The following NT5DC1 variants were observed in gnomAD, a reference collection of about 807,000 sequenced individuals.
NT5DC1 encodes the protein 5'-nucleotidase domain-containing protein 1.
A neutral mutation model predicts 59.4 loss-of-function variants in NT5DC1; 42 were observed. The observed-to-expected ratio is 0.71, with a 90% confidence interval of 0.55 to 0.92. The LOEUF (loss-of-function observed/expected upper bound fraction) is 0.92, where lower values mean the gene tolerates loss of function less well. NT5DC1 is among the 40% of genes least tolerant of loss of function. The pLI is 0.00. For missense variants in NT5DC1, 501 were observed against 537.1 expected (o/e 0.93, Z 0.66); for synonymous variants, 172 against 188.1 (o/e 0.91, Z 0.70).
intron 8 of NT5DC1, among the ~76,000 whole-genome samples, chr6:116,231,120 A>G (rs1008563397): frequency 1.4e-5 from 2 of 142,412 alleles, no homozygotes; most frequent in African/African-American, 5.4e-5. Context: ...AAAAAAAAAA[A>G]AAAAAAGAAC....
At chr6:116,101,277 G>A (rs1417510239) in intron 1 of NT5DC1, among the ~76,000 whole-genome samples, 1 of 152,178 alleles carries the variant, frequency 6.6e-6, no homozygotes, top group East Asian at 1.9e-4. Flanking sequence ...ACGAAGGAGG[G>A]GCAAACTGCG....
At chr6:116,109,260 G>A (rs1778819036) in intron 3 of NT5DC1, among the ~76,000 whole-genome samples, 1 of 152,168 alleles carries the variant, frequency 6.6e-6, no homozygotes, top group Admixed American at 6.5e-5. Flanking sequence ...TTTGCATGAT[G>A]CAAACTCCCT....
intron 6 of NT5DC1, among the ~76,000 whole-genome samples, chr6:116,205,571 G>T (rs1211719326): frequency 6.6e-6 from 1 of 151,550 alleles, no homozygotes; most frequent in Non-Finnish European, 1.5e-5. Context: ...TCTTCCCAAA[G>T]GAAATTCCTT....
chr6:116,240,026 A>C (rs1416506141), intron 11 of NT5DC1, among the ~76,000 whole-genome samples: 1 of 152,246 alleles, frequency 6.6e-6, no homozygotes, highest in African/African-American at 2.4e-5. Flanking sequence ...AATTAGACAC[A>C]GATGAAAAGT....
chr6:116,199,819 C>G (rs190702660), intron 6 of NT5DC1, among the ~76,000 whole-genome samples: 15 of 152,074 alleles, frequency 9.9e-5, no homozygotes, highest in African/African-American at 3.1e-4. Flanking sequence ...ATCAATGAGT[C>G]TGGTATAAAT....
rs148509481 is a variant in NT5DC1, at chr6:116,182,222, A to AGAGTGTGTGTGT, written c.530-38831_530-38830insAGTGTGTGTGTG. Among the ~76,000 whole-genome samples the AGAGTGTGTGTGT allele has an allele frequency of 1.1e-3, 131 of 124,688 alleles. 1 individual carries two copies. In the South Asian group the frequency reaches 0.022, roughly 21 times the overall value. The allele number at this position is 124,688 out of a possible 152,430, so 81.8% of individuals were successfully genotyped here. Reference sequence around the variant, plus strand: ...TATGGCTGAGTAGTATTCCATGGAGAGTGTGTGTGTGTGTGTGTGTGTGTG... The same window carrying AGAGTGTGTGTGT: ...TATGGCTGAGTAGTATTCCATGGAGAGAGTGTGTGTGTGTGTGTGTGTGTGTGTGTGTGTGTG... On this transcript the variant is annotated intron_variant, in intron 6 of 11. Transcript: ENST00000319550.
At chr6:116,175,015 T>C (rs1780700193) in intron 6 of NT5DC1, among the ~76,000 whole-genome samples, 1 of 152,182 alleles carries the variant, frequency 6.6e-6, no homozygotes, top group East Asian at 1.9e-4. Context: ...TATAGAATAT[T>C]TCCATGAACA....
chr6:116,144,195 T>C (rs561664916), intron 6 of NT5DC1, among the ~76,000 whole-genome samples: 1 of 152,206 alleles, frequency 6.6e-6, no homozygotes, highest in South Asian at 2.1e-4. Flanking sequence ...AAACATATTC[T>C]TCTTACAACA....
chr6:116,110,855 GC>G lies in NT5DC1; in HGVS notation c.265del (p.His89MetfsTer5), dbSNP rs764701334. On this transcript the variant is annotated frameshift_variant, in exon 4 of 12. Transcript: ENST00000319550. LOFTEE classifies it high-confidence loss of function. ...LANNGTVLRA[S>X]HGTKMMTPEV... The stretch of plus-strand genomic sequence containing the variant: ...GCCTCCTCTCTCAAAATCAGGGCAA[GC>G]CATGGCACCAAGATGATGACTCCAG... 2 of 1,612,888 alleles carry G rather than the reference GC, an allele frequency of 1.2e-6. No individual in the cohort carries two copies. Among genetic ancestry groups the G allele is most frequent in the African/African-American group, 2.7e-5 (2 of 75,034 alleles).
In NT5DC1 at chr6:116,101,041, C is replaced by T. The variant is rs746823608; in HGVS notation, c.93+18C>T. On this transcript the variant is annotated intron_variant, in intron 1 of 11. Transcript: ENST00000319550. ...GCGCCCCGGTGAGTGGCGCGGGCTC[C>T]GGGGCGCACTGCGCGCAACCTCCAT... 25 of 1,555,448 alleles carry T rather than the reference C, an allele frequency of 1.6e-5. No individual in the cohort carries two copies. In the East Asian group the frequency reaches 5.6e-4, roughly 35 times the overall value.
At chr6:116,114,619 G>T (rs1217950468) in intron 4 of NT5DC1, among the ~76,000 whole-genome samples, 1 of 151,490 alleles carries the variant, frequency 6.6e-6, no homozygotes, top group African/African-American at 2.4e-5. Flanking sequence ...TTACCTATTG[G>T]TTCTGTTTGA....
chr6:116,209,906 G>A (rs1781540675), intron 6 of NT5DC1, among the ~76,000 whole-genome samples: 1 of 151,864 alleles, frequency 6.6e-6, no homozygotes, highest in Admixed American at 6.6e-5. Flanking sequence ...AACAGATAAT[G>A]GTCATCAAAT....
intron 6 of NT5DC1, among the ~76,000 whole-genome samples, chr6:116,180,052 C>G (rs951776873): frequency 3.9e-5 from 6 of 152,160 alleles, no homozygotes; most frequent in African/African-American, 1.4e-4. Context: ...GTGGTGTTCT[C>G]TATAACTGTG....
At chr6:116,101,070 G>C (rs555731599) in intron 1 of NT5DC1, 47 bp downstream of exon 1, 1 of 1,392,906 alleles carries the variant, frequency 7.2e-7, no homozygotes, top group Non-Finnish European at 1.0e-6. Flanking sequence ...CCTCCATGGC[G>C]GCTGGGGCTT....
chr6:116,165,098 G>GGAA lies in NT5DC1; in HGVS notation c.529+47153_529+47154insGAA, dbSNP rs560550941. On this transcript the variant is annotated intron_variant, in intron 6 of 11. Coordinates refer to ENST00000319550, the MANE Select transcript of NT5DC1 (RefSeq NM_152729.3). Reference sequence around the variant, plus strand: ...GGCGACAGAGCGAGACTCCGTCTCAGAAAAAAAAAAAAAAAAAAAATTATT... The same window carrying GGAA: ...GGCGACAGAGCGAGACTCCGTCTCAGGAAAAAAAAAAAAAAAAAAAAAATTATT... 3.0e-3 allele frequency among the ~76,000 whole-genome samples: 300 copies of GGAA among 101,044 alleles called. 2 individuals are homozygous for GGAA. Among genetic ancestry groups the GGAA allele is most frequent in the African/African-American group, 0.011 (276 of 24,386 alleles). 66.3% of individuals were successfully genotyped at this position (101,044 alleles called of 152,430 possible). A position where few individuals can be genotyped will look rare whatever the true frequency, so the allele number is the denominator to read the frequency against.
chr6:116,124,284 T>C (rs1358893986), intron 6 of NT5DC1, among the ~76,000 whole-genome samples: 1 of 152,102 alleles, frequency 6.6e-6, no homozygotes, highest in South Asian at 2.1e-4. Context: ...GTATAAAATA[T>C]ATAATTAAAA....
At chr6:116,232,542 T>G (rs1274871885) in intron 8 of NT5DC1, among the ~76,000 whole-genome samples, 24 of 151,684 alleles carry the variant, frequency 1.6e-4, no homozygotes, top group Admixed American at 1.6e-3. Context: ...ATCTCATAAA[T>G]GCATATTTTT....
At chr6:116,193,241 C>G (rs1028616260) in intron 6 of NT5DC1, among the ~76,000 whole-genome samples, 8 of 151,952 alleles carry the variant, frequency 5.3e-5, no homozygotes, top group African/African-American at 1.9e-4. Flanking sequence ...AATCTTGCCC[C>G]ATAGTATCCA....
intron 3 of NT5DC1, among the ~76,000 whole-genome samples, chr6:116,109,154 A>G (rs1268557680): frequency 6.6e-6 from 1 of 152,116 alleles, no homozygotes; most frequent in South Asian, 2.1e-4. Flanking sequence ...CATGGCTATG[A>G]AGCTATACCA....
Sources: gnomAD v4.1 joint callset for allele counts (sites outside exome capture counted in the v4.1 genomes callset) on GRCh38, gnomAD v4.1.1 for gene constraint, MANE v1.5 for transcripts, NCBI Gene and HGNC (gene_info 2026-07-23, HGNC 2026-07-21) for gene names.